The following GPC6 variants were observed in gnomAD, a reference collection of about 807,000 sequenced individuals.
GPC6 encodes glypican-6.
GPC6 carries 14 observed loss-of-function variants against 55.2 expected under a neutral mutation model. The ratio of observed to expected loss-of-function variants is 0.25; its 90% CI spans 0.17 to 0.40. The LOEUF (loss-of-function observed/expected upper bound fraction) is 0.40. Among genes scored for constraint, GPC6 ranks in the 10% least tolerant of loss-of-function variants. GPC6 has a pLI of 1.00. For synonymous variants in GPC6, 278 were observed against 259.6 expected (o/e 1.07, Z -0.68); for missense variants, 641 against 708.5 (o/e 0.90, Z 1.08).
intron 4 of GPC6, among the ~76,000 whole-genome samples, chr13:94,052,214 T>C (rs1357666647): frequency 6.6e-6 from 1 of 152,140 alleles, no homozygotes; most frequent in African/African-American, 2.4e-5. Context: ...TTATAGGAGG[T>C]AGTATTTGAA....
At chr13:94,019,094 T>C (rs1882601313) in intron 3 of GPC6, among the ~76,000 whole-genome samples, 1 of 152,218 alleles carries the variant, frequency 6.6e-6, no homozygotes, top group African/African-American at 2.4e-5. Context: ...TTAGGAAGTG[T>C]TACCTCATCT....
intron 1 of GPC6, among the ~76,000 whole-genome samples, chr13:93,362,444 T>G (rs1209004490): frequency 6.6e-6 from 1 of 152,172 alleles, no homozygotes; most frequent in Non-Finnish European, 1.5e-5. Context: ...AAGGTGAGAA[T>G]GTAAGGGTGG....
At chr13:94,080,314 C>G (rs1390085689) in intron 4 of GPC6, among the ~76,000 whole-genome samples, 1 of 152,048 alleles carries the variant, frequency 6.6e-6, no homozygotes, top group Non-Finnish European at 1.5e-5. Context: ...AATTTAAAAG[C>G]TGAGAATTTG....
chr13:94,041,647 T>A (rs1486890738), intron 4 of GPC6, among the ~76,000 whole-genome samples: 1 of 151,852 alleles, frequency 6.6e-6, no homozygotes, highest in African/African-American at 2.4e-5. Flanking sequence ...AATGAAACTT[T>A]TAGCCAAGCC....
At chr13:93,748,090 G>A (rs1314773063) in intron 2 of GPC6, among the ~76,000 whole-genome samples, 1 of 152,180 alleles carries the variant, frequency 6.6e-6, no homozygotes, top group African/African-American at 2.4e-5. Context: ...ATAATGGTAT[G>A]ATAATCTGCT....
At chr13:93,516,362 A>G (rs1026321408) in intron 1 of GPC6, among the ~76,000 whole-genome samples, 4 of 152,136 alleles carry the variant, frequency 2.6e-5, no homozygotes, top group African/African-American at 9.7e-5. Context: ...CAATCTATTC[A>G]TCAAATATGG....
At chr13:93,439,699 T>A (rs7336966) in intron 1 of GPC6, among the ~76,000 whole-genome samples, 2,761 of 136,456 alleles carry the variant, frequency 0.02, 99 homozygotes, top group African/African-American at 0.077. Context: ...ATAAAAAAAA[T>A]AAAATAAAAT....
chr13:93,551,308 CAAA>C (rs11292944), intron 2 of GPC6, among the ~76,000 whole-genome samples: 25 of 147,458 alleles, frequency 1.7e-4, no homozygotes, highest in African/African-American at 5.0e-4. Flanking sequence ...TGTTTTCTAA[CAAA>C]AAAAAAAAAA....
At chr13:94,129,720 AC>A (rs1449628252) in intron 4 of GPC6, among the ~76,000 whole-genome samples, 7 of 152,088 alleles carry the variant, frequency 4.6e-5, no homozygotes, top group African/African-American at 1.7e-4. Context: ...TGTATTAAAT[AC>A]TTTCTGTTTG....
intron 2 of GPC6, among the ~76,000 whole-genome samples, chr13:93,820,614 A>T (rs1025053989): frequency 7.5e-5 from 11 of 146,314 alleles, no homozygotes; most frequent in Non-Finnish European, 1.2e-4. Flanking sequence ...ATGGAAAGTT[A>T]AAAAAAAAAG....
intron 1 of GPC6, among the ~76,000 whole-genome samples, chr13:93,270,452 A>G (rs1385874902): frequency 6.6e-6 from 1 of 152,098 alleles, no homozygotes; most frequent in Non-Finnish European, 1.5e-5. Context: ...AGTGTGCATT[A>G]TAAAGCAATG....
At chr13:94,058,142 C>G (rs1277451650) in intron 4 of GPC6, among the ~76,000 whole-genome samples, 1 of 152,174 alleles carries the variant, frequency 6.6e-6, no homozygotes, top group Non-Finnish European at 1.5e-5. Flanking sequence ...ATGCTCAGGA[C>G]TTCCCCAAAA....
intron 1 of GPC6, among the ~76,000 whole-genome samples, chr13:93,495,925 A>G (rs1344290827): frequency 6.8e-6 from 1 of 147,850 alleles, no homozygotes; most frequent in Admixed American, 6.8e-5. Flanking sequence ...TGCTCTCTTC[A>G]AAGCTGTCAG....
chr13:93,891,044 C>A (rs1323387356), intron 3 of GPC6, among the ~76,000 whole-genome samples: 1 of 151,818 alleles, frequency 6.6e-6, no homozygotes, highest in Non-Finnish European at 1.5e-5. Flanking sequence ...AGTGGAAATA[C>A]AAAGGTATAA....
At chr13:94,105,174 G>A (rs190935597) in intron 4 of GPC6, among the ~76,000 whole-genome samples, 2 of 152,166 alleles carry the variant, frequency 1.3e-5, no homozygotes, top group African/African-American at 2.4e-5. Flanking sequence ...AGGCAACATA[G>A]CAAGACCCCG....
At chr13:93,508,560 T>C (rs1880820814) in intron 1 of GPC6, among the ~76,000 whole-genome samples, 1 of 152,180 alleles carries the variant, frequency 6.6e-6, no homozygotes. Flanking sequence ...AAGTTTTGAG[T>C]GAAGGACAGA....
chr13:93,282,419 G>A lies in GPC6; in HGVS notation c.160+54803G>A, dbSNP rs149596424. On this transcript the variant is annotated intron_variant, in intron 1 of 8. Transcript: ENST00000377047. ...TCCCAGATTCTGAATTCCCTACCCCGCCCCCAGTATGATTTGAACCTAGGA... is the reference window on the plus strand; with the variant it reads ...TCCCAGATTCTGAATTCCCTACCCCACCCCCAGTATGATTTGAACCTAGGA... Among the ~76,000 whole-genome samples the A allele has an allele frequency of 1.7e-4, 26 of 151,502 alleles. No individual in the cohort carries two copies. In the East Asian group the frequency reaches 3.3e-3, roughly 19 times the overall value.
chr13:93,714,299 G>T (rs1255738190), intron 2 of GPC6, among the ~76,000 whole-genome samples: 1 of 151,830 alleles, frequency 6.6e-6, no homozygotes, highest in Non-Finnish European at 1.5e-5. Flanking sequence ...CTTTTCAAAA[G>T]AAGACATAAT....
chr13:93,733,787 A>G (rs537972281), intron 2 of GPC6, among the ~76,000 whole-genome samples: 3 of 152,198 alleles, frequency 2.0e-5, no homozygotes. Flanking sequence ...GCCCTGACTT[A>G]GAAACTCAGT....
Sources: allele counts gnomAD v4.1 joint callset (sites outside exome capture counted in the v4.1 genomes callset), GRCh38; gene constraint gnomAD v4.1.1; transcripts MANE v1.5; gene names NCBI Gene and HGNC (gene_info 2026-07-23, HGNC 2026-07-21).